Variants in LRRC7 observed in about 807,000 individuals in gnomAD.
LRRC7 encodes leucine-rich repeat-containing protein 7.
In LRRC7, 23 loss-of-function variants were observed where a neutral mutation model predicts 175.7. The observed-to-expected ratio is 0.13, with a 90% CI of 0.09 to 0.19. LRRC7 has a LOEUF of 0.19. Ranked by LOEUF, LRRC7 falls within the 10% of genes least tolerant of loss-of-function variation. LRRC7 has a pLI of 1.00. For missense variants in LRRC7, 1,354 were observed against 1,904.7 expected (o/e 0.71, Z 5.38); for synonymous variants, 685 against 680.9 (o/e 1.01, Z -0.09).
chr1:70,050,719 A>G (rs1660682151), intron 22 of LRRC7, among the ~76,000 whole-genome samples: 1 of 151,956 alleles, frequency 6.6e-6, no homozygotes. Flanking sequence ...CTGCTGAGCT[A>G]CTCAATTTAT....
intron 7 of LRRC7, among the ~76,000 whole-genome samples, chr1:69,888,502 C>T (rs1239924551): frequency 1.3e-5 from 2 of 152,132 alleles, no homozygotes; most frequent in Non-Finnish European, 2.9e-5. Context: ...ACCCACTGAC[C>T]TGCACCCACT....
chr1:70,007,141 T>G (rs571433902), intron 11 of LRRC7, among the ~76,000 whole-genome samples: 3 of 152,136 alleles, frequency 2.0e-5, no homozygotes, highest in African/African-American at 4.8e-5. Flanking sequence ...AGACCGAAAC[T>G]TCCAGCCCTC....
rs1458878005 is a variant in LRRC7, at chr1:69,678,486, T to C, written c.100+8T>C. ...AGAGGCCTGAAGAGGAGTGTAAGTATGTTTAATAGGATTACCTGTGTTCTA... is the reference window on the plus strand; with the variant it reads ...AGAGGCCTGAAGAGGAGTGTAAGTACGTTTAATAGGATTACCTGTGTTCTA... On this transcript the variant is annotated splice_region_variant and intron_variant, in intron 2 of 26. Coordinates refer to ENST00000651989, the MANE Select transcript of LRRC7 (RefSeq NM_001370785.2). The C allele has an allele frequency of 1.9e-6, 3 of 1,585,742 alleles. No homozygotes were observed. The highest frequency in any genetic ancestry group is 1.1e-5 in the South Asian group (1 of 87,402).
chr1:69,735,324 G>T (rs1241702298), intron 2 of LRRC7, among the ~76,000 whole-genome samples: 3 of 151,944 alleles, frequency 2.0e-5, no homozygotes, highest in Non-Finnish European at 4.4e-5. Flanking sequence ...TCTTCAATAT[G>T]TTTGTTTTTC....
At chr1:69,730,274 G>A (rs1026767263) in intron 2 of LRRC7, among the ~76,000 whole-genome samples, 2 of 152,218 alleles carry the variant, frequency 1.3e-5, no homozygotes, top group Non-Finnish European at 2.9e-5. Flanking sequence ...GTAAATTTCT[G>A]CAGTGGGCTT....
chr1:69,931,546 A>G lies in LRRC7; in HGVS notation c.687A>G (p.Leu229=). 1.2e-6 allele frequency: 2 copies of G among 1,613,968 alleles called. No individual in the cohort carries two copies. The highest frequency in any genetic ancestry group is 1.7e-6 in the Non-Finnish European group (2 of 1,179,864). ...HKLAQLERLD[L]GNNEFGELPE... ...TGGCCCAGTTGGAAAGACTTGACCT[A>G]GGCAATAATGAATTCGGTGAGCTGG... Residue 229 remains leucine, a synonymous_variant, in exon 8 of 27, where the codon CTA becomes CTG. Transcript: ENST00000651989.
At chr1:69,796,782 G>A (rs1442362676) in intron 4 of LRRC7, among the ~76,000 whole-genome samples, 7 of 150,142 alleles carry the variant, frequency 4.7e-5, no homozygotes, top group Non-Finnish European at 5.9e-5. Context: ...CAACAAGAGC[G>A]AAACTCCATC....
chr1:69,926,693 A>G (rs1316202260), intron 7 of LRRC7, among the ~76,000 whole-genome samples: 2 of 151,906 alleles, frequency 1.3e-5, no homozygotes, highest in African/African-American at 4.8e-5. Flanking sequence ...TTTTGAGCCT[A>G]TATATTTCTC....
In LRRC7 at chr1:70,131,652, A is replaced by G. The variant is rs1468806709; in HGVS notation, c.*9765A>G. Among the ~76,000 whole-genome samples the G allele has an allele frequency of 6.6e-6, 1 of 152,190 alleles. No homozygotes were observed. The highest frequency in any genetic ancestry group is 1.5e-5 in the Non-Finnish European group (1 of 68,028). Reference sequence around the variant, plus strand: ...CTTCTTCTCATAAAATTTTTGATTTAGAAAGATTTAGATAAAGTCATAGTA... The same window carrying G: ...CTTCTTCTCATAAAATTTTTGATTTGGAAAGATTTAGATAAAGTCATAGTA... On this transcript the variant is annotated 3_prime_UTR_variant, in exon 27 of 27. Coordinates refer to ENST00000651989, the MANE Select transcript of LRRC7 (RefSeq NM_001370785.2).
At chr1:69,992,774 A>G (rs992008081) in intron 10 of LRRC7, among the ~76,000 whole-genome samples, 1 of 152,196 alleles carries the variant, frequency 6.6e-6, no homozygotes, top group African/African-American at 2.4e-5. Context: ...CCACTACTCC[A>G]GTCTTCAGGA....
chr1:69,613,713 A>G (rs937445595), intron 1 of LRRC7, among the ~76,000 whole-genome samples: 4 of 152,038 alleles, frequency 2.6e-5, no homozygotes, highest in African/African-American at 9.7e-5. Flanking sequence ...GTGGATGTAT[A>G]TTTCAAATGT....
intron 7 of LRRC7, among the ~76,000 whole-genome samples, chr1:69,915,905 T>C (rs1646672354): frequency 6.7e-6 from 1 of 150,098 alleles, no homozygotes; most frequent in African/African-American, 2.4e-5. Flanking sequence ...TTCTTATAGA[T>C]GACAAAACTG....
chr1:69,647,593 T>C (rs970563087), intron 1 of LRRC7, among the ~76,000 whole-genome samples: 2 of 152,014 alleles, frequency 1.3e-5, no homozygotes, highest in African/African-American at 2.4e-5. Flanking sequence ...TTATTTTTAC[T>C]TGTTTTTTTT....
chr1:69,745,938 A>G (rs1669207727), intron 2 of LRRC7, among the ~76,000 whole-genome samples: 1 of 151,982 alleles, frequency 6.6e-6, no homozygotes, highest in Admixed American at 6.6e-5. Context: ...TTTAAATAAC[A>G]AAATTCTGAT....
intron 22 of LRRC7, among the ~76,000 whole-genome samples, chr1:70,047,577 A>G (rs192490141): frequency 2.1e-3 from 319 of 152,276 alleles, no homozygotes; most frequent in Middle Eastern, 3.4e-3. Flanking sequence ...TGCACTTGAT[A>G]AACTATTTAC....
intron 7 of LRRC7, chr1:69,919,465 C>T: frequency 1.0e-6 from 1 of 994,838 alleles, no homozygotes; most frequent in Non-Finnish European, 1.5e-6. Context: ...GTGGGAGCGG[C>T]CCAGCGGGAA....
intron 7 of LRRC7, among the ~76,000 whole-genome samples, chr1:69,906,270 C>T (rs1646307698): frequency 6.6e-6 from 1 of 152,124 alleles, no homozygotes; most frequent in Non-Finnish European, 1.5e-5. Context: ...TTAATTAGAT[C>T]CCATTTGTCA....
At chr1:69,594,804 G>T (rs909840843) in intron 1 of LRRC7, among the ~76,000 whole-genome samples, 1 of 152,130 alleles carries the variant, frequency 6.6e-6, no homozygotes, top group South Asian at 2.1e-4. Context: ...ACCTAGATGT[G>T]GTCAAATCAT....
intron 7 of LRRC7, among the ~76,000 whole-genome samples, chr1:69,849,426 T>C (rs910183715): frequency 6.6e-6 from 1 of 152,042 alleles, no homozygotes; most frequent in Non-Finnish European, 1.5e-5. Flanking sequence ...TTTGCTTAAA[T>C]GTTTCACTGA....
Sources: allele counts gnomAD v4.1 joint callset (sites outside exome capture counted in the v4.1 genomes callset), GRCh38; gene constraint gnomAD v4.1.1; transcripts MANE v1.5; gene names NCBI Gene and HGNC (gene_info 2026-07-23, HGNC 2026-07-21).